Variants in MEAK7 observed in about 807,000 individuals in gnomAD.
MEAK7 encodes the protein MTOR-associated protein MEAK7.
Under a neutral mutation model 40.5 loss-of-function variants are expected in MEAK7, and 68 were observed. The observed-to-expected ratio is 1.68, with a 90% CI of 1.38 to 2.06. The LOEUF (loss-of-function observed/expected upper bound fraction) is 2.06, where lower values mean the gene tolerates loss of function less well. Among genes scored for constraint, MEAK7 ranks in the 30% most tolerant of loss-of-function variants. The probability of loss-of-function intolerance (pLI) is 0.00; values close to 1 mark genes in which losing one functional copy is unlikely to be tolerated. For missense variants in MEAK7, 918 were observed against 580.5 expected (o/e 1.58, Z -5.98); for synonymous variants, 338 against 231.9 (o/e 1.46, Z -4.16).
At chr16:84,497,592 T>G in intron 2 of MEAK7, 2 of 1,313,930 alleles carry the variant, frequency 1.5e-6, no homozygotes, top group African/African-American at 3.0e-5. Context: ...TCATCTCAAG[T>G]TAGAAATGTC....
At chr16:84,503,019 C>T (rs1914626551) in intron 1 of MEAK7, among the ~76,000 whole-genome samples, 1 of 152,060 alleles carries the variant, frequency 6.6e-6, no homozygotes, top group Non-Finnish European at 1.5e-5. Flanking sequence ...ACAAAAAAAC[C>T]CACAAAACCA....
intron 6 of MEAK7, among the ~76,000 whole-genome samples, chr16:84,481,237 C>T (rs1164250677): frequency 6.6e-6 from 1 of 152,242 alleles, no homozygotes; most frequent in African/African-American, 2.4e-5. Context: ...GCCTTCCACC[C>T]TCAGTCACAT....
chr16:84,489,540 G>A, intron 3 of MEAK7, 118 bp from the exon 4 acceptor site: 3 of 1,212,362 alleles, frequency 2.5e-6, no homozygotes, highest in East Asian at 2.5e-5. Context: ...CACAATGTGG[G>A]GAAAGGTCAT....
chr16:84,483,682 C>T (rs9630653), intron 5 of MEAK7, among the ~76,000 whole-genome samples: 49,074 of 152,100 alleles, frequency 0.32, 9,309 homozygotes, highest in Middle Eastern at 0.46. Flanking sequence ...CCGCCCAAGG[C>T]TCCAATCTAG....
Position 84,498,053 on chromosome 16 carries a change from A to C in MEAK7, c.34T>G (p.Phe12Val). ...GNSRSRVGRS[F>V]CSQFLPEEQA... ...TCCTCAGGAAGAAACTGTGAACAAA[A>C]GCTCCGCCCCACACGGCTTCTGCTG... The change falls in exon 2 of 8, where the codon TTT becomes GTT. Residue 12 changes from phenylalanine to valine, a missense_variant. Coordinates refer to ENST00000343629, the MANE Select transcript of MEAK7 (RefSeq NM_020947.4). 6.2e-7 allele frequency: 1 copy of C among 1,613,978 alleles called. No homozygotes were observed. Among genetic ancestry groups the C allele is most frequent in the South Asian group, 1.1e-5 (1 of 91,042 alleles).
chr16:84,491,013 A>G (rs1913551528), intron 3 of MEAK7, among the ~76,000 whole-genome samples: 1 of 152,220 alleles, frequency 6.6e-6, no homozygotes, highest in African/African-American at 2.4e-5. Context: ...TTTTGTCTAA[A>G]AAAGTTATTA....
At chr16:84,502,757 G>C (rs542617598) in intron 1 of MEAK7, 1 of 152,350 alleles carries the variant, frequency 6.6e-6, no homozygotes, top group South Asian at 2.1e-4. Context: ...TATAGTTCCA[G>C]CTATTCAGGA....
intron 5 of MEAK7, among the ~76,000 whole-genome samples, chr16:84,483,076 G>C (rs995948592): frequency 1.3e-5 from 2 of 152,210 alleles, no homozygotes; most frequent in African/African-American, 2.4e-5. Context: ...ACTCCGCAGA[G>C]ACTGAGGCCT....
chr16:84,479,762 G>T lies in MEAK7; in HGVS notation c.*151C>A. On this transcript the variant is annotated 3_prime_UTR_variant, in exon 8 of 8. Transcript: ENST00000343629. ...CATGAGTCAGGACATGGCTTCAGAG[G>T]GCGTCTTCTTGGCACATGTGGGACT... 2.2e-6 allele frequency: 1 copy of T among 461,294 alleles called. No homozygotes were observed. Among genetic ancestry groups the T allele is most frequent in the Non-Finnish European group, 3.9e-6 (1 of 259,610 alleles). 28.6% of individuals were successfully genotyped at this position (461,294 alleles called of 1,614,324 possible).
At chr16:84,496,874 A>G (rs1235970476) in intron 2 of MEAK7, among the ~76,000 whole-genome samples, 1 of 152,156 alleles carries the variant, frequency 6.6e-6, no homozygotes, top group Non-Finnish European at 1.5e-5. Flanking sequence ...AGATTCTAGC[A>G]GCTGCCATTT....
At chr16:84,484,041 C>T (rs55672420) in intron 5 of MEAK7, among the ~76,000 whole-genome samples, 3,134 of 152,302 alleles carry the variant, frequency 0.021, 134 homozygotes, top group African/African-American at 0.07. Flanking sequence ...GTCTGCACTG[C>T]CCCCGCCCCG....
intron 3 of MEAK7, among the ~76,000 whole-genome samples, chr16:84,495,114 C>T (rs150153169): frequency 6.6e-6 from 1 of 152,026 alleles, no homozygotes; most frequent in Non-Finnish European, 1.5e-5. Flanking sequence ...ACTAAAAATA[C>T]AAAAATCGGC....
rs1200084643 is a variant in MEAK7, at chr16:84,477,872, G to T, written c.*2041C>A. 3 of 152,034 alleles carry T rather than the reference G, an allele frequency of 2.0e-5. No individual in the cohort carries two copies. Among genetic ancestry groups the T allele is most frequent in the African/African-American group, 4.8e-5 (2 of 41,390 alleles). 9.4% of individuals were successfully genotyped at this position (152,034 alleles called of 1,614,324 possible). A position where few individuals can be genotyped will look rare whatever the true frequency, so the allele number is the denominator to read the frequency against. On this transcript the variant is annotated 3_prime_UTR_variant, in exon 8 of 8. Coordinates refer to ENST00000343629, the MANE Select transcript of MEAK7 (RefSeq NM_020947.4). The stretch of plus-strand genomic sequence containing the variant: ...GCATCCCCCAGGCTCCCAAGCCCGG[G>T]CCAGTGACCTTTCTCTAAGTGCACT...
intron 1 of MEAK7, 46 bp from the exon 2 acceptor site, chr16:84,498,157 A>C (rs376649973): frequency 6.6e-7 from 1 of 1,522,704 alleles, no homozygotes; most frequent in Non-Finnish European, 8.8e-7. Context: ...AAATTTAATA[A>C]TCACAGAAAA....
At chr16:84,482,543 G>T (rs748181340) in intron 6 of MEAK7, 49 bp downstream of exon 6, 3 of 1,613,366 alleles carry the variant, frequency 1.9e-6, no homozygotes, top group Non-Finnish European at 2.5e-6. Context: ...TGACACCTTT[G>T]CTGGGGGACA....
rs1284161530 is a variant in MEAK7, at chr16:84,479,782, G to A, written c.*131C>T. ...CAGAGGGCGTCTTCTTGGCACATGTGGGACTACCAGGCTGTGACCCGTGCG... is the reference window on the plus strand; with the variant it reads ...CAGAGGGCGTCTTCTTGGCACATGTAGGACTACCAGGCTGTGACCCGTGCG... On this transcript the variant is annotated 3_prime_UTR_variant, in exon 8 of 8. Coordinates refer to ENST00000343629, the MANE Select transcript of MEAK7 (RefSeq NM_020947.4). 3.9e-6 allele frequency: 2 copies of A among 510,260 alleles called. No individual in the cohort carries two copies. Among genetic ancestry groups the A allele is most frequent in the Non-Finnish European group, 6.6e-6 (2 of 304,820 alleles). 31.6% of individuals were successfully genotyped at this position (510,260 alleles called of 1,614,324 possible).
In MEAK7 at chr16:84,482,473, G is replaced by A. The variant is rs59335933; in HGVS notation, c.1077+119C>T. On this transcript the variant is annotated intron_variant, in intron 6 of 7. Coordinates refer to ENST00000343629, the MANE Select transcript of MEAK7 (RefSeq NM_020947.4). ...GGAAACAGAAGGAACTGGACATGGC[G>A]TGCGTGAGGAACTGAATGCCACGCG... is the stretch of plus-strand genomic sequence containing the variant. 5.0e-3 allele frequency: 7,486 copies of A among 1,506,226 alleles called. 275 individuals carry two copies. In the African/African-American group the frequency reaches 0.085, roughly 17 times the overall value. 93.3% of individuals were successfully genotyped at this position (1,506,226 alleles called of 1,614,324 possible).
chr16:84,479,907 G>A lies in MEAK7; in HGVS notation c.*6C>T, dbSNP rs372912159. On this transcript the variant is annotated 3_prime_UTR_variant, in exon 8 of 8. Transcript: ENST00000343629. ...GTCCTGGCTCCAGGAAGGCTCAGGC[G>A]GCTCCTCATTCATCGTCCGGGACTT... 148 of 1,588,448 alleles carry A rather than the reference G, an allele frequency of 9.3e-5. No individual in the cohort carries two copies. Among genetic ancestry groups the A allele is most frequent in the African/African-American group, 9.4e-5 (7 of 74,254 alleles).
In MEAK7 at chr16:84,486,698, C is replaced by T; in HGVS notation, c.891G>A (p.Glu297=). The T allele has an allele frequency of 1.9e-6, 3 of 1,614,146 alleles. No homozygotes were observed. Among genetic ancestry groups the T allele is most frequent in the Admixed American group, 1.7e-5 (1 of 60,028 alleles). The change falls in exon 5 of 8, where the codon GAG becomes GAA. Residue 297 remains glutamate (E), a synonymous_variant. Transcript: ENST00000343629. ...THRGPCVAVL[E]DHDKHVFGGF... is the part of the protein sequence containing the mutation. ...CACCGAACACATGCTTGTCATGGTC[C>T]TCGAGGACAGCCACACAGGGTCCCC... is the stretch of plus-strand genomic sequence containing the variant.
Sources: gnomAD v4.1 joint callset for allele counts (sites outside exome capture counted in the v4.1 genomes callset) on GRCh38, gnomAD v4.1.1 for gene constraint, MANE v1.5 for transcripts, NCBI Gene and HGNC (gene_info 2026-07-23, HGNC 2026-07-21) for gene names.